GDF1: variants seen among roughly 807,000 people sequenced by gnomAD.
The protein encoded by GDF1 is growth differentiation factor 1.
A neutral mutation model predicts 7.4 loss-of-function variants in GDF1; 8 were observed. The observed-to-expected ratio is 1.09, with a 90% CI of 0.64 to 1.96. The LOEUF (loss-of-function observed/expected upper bound fraction) is 1.96, where lower values mean the gene tolerates loss of function less well. Among genes scored for constraint, GDF1 ranks in the 30% most tolerant of loss-of-function variants. GDF1 has a pLI of 0.00. For synonymous variants in GDF1, 311 were observed against 276.7 expected, an observed-to-expected ratio of 1.12 and a Z score of -1.23; for missense variants, 574 against 551.5, an observed-to-expected ratio of 1.04 and a Z score of -0.41.
rs1202717434 is a variant in GDF1, at chr19:18,870,479, G to A, written c.-172C>T. The A allele has an allele frequency of 3.2e-5, 21 of 659,322 alleles. No homozygotes were observed. Among genetic ancestry groups the A allele is most frequent in the Non-Finnish European group, 4.4e-5 (17 of 382,650 alleles). The allele number at this position is 659,322 out of a possible 1,614,324, so 40.8% of individuals were successfully genotyped here. On this transcript the variant is annotated 5_prime_UTR_variant, in exon 7 of 8. Transcript: ENST00000247005. This position sits in a 1 kb window ranked among gnomAD's most constrained non-coding sequence, Gnocchi z 5.1. ...CAGGGGAGGTGGCGGCGGCCCTAGAGGAGCAGAGTTGGAGGGGGTGGAGGG... is the reference window on the plus strand; with the variant it reads ...CAGGGGAGGTGGCGGCGGCCCTAGAAGAGCAGAGTTGGAGGGGGTGGAGGG...
At chr19:18,875,310 C>T (rs2056041756) in intron 6 of GDF1, among the ~76,000 whole-genome samples, 1 of 151,390 alleles carries the variant, frequency 6.6e-6, no homozygotes, top group African/African-American at 2.4e-5. Flanking sequence ...ATTTGGGAGG[C>T]TGAGGCAGGA....
intron 6 of GDF1, among the ~76,000 whole-genome samples, chr19:18,876,536 T>TTTTG (rs2056064132): frequency 7.0e-6 from 1 of 143,184 alleles, no homozygotes; most frequent in Non-Finnish European, 1.5e-5. Flanking sequence ...TTTGATTGGG[T>TTTTG]TGTGTGTGTG....
chr19:18,892,464 A>G (rs1429507444), intron 2 of GDF1, among the ~76,000 whole-genome samples: 1 of 151,902 alleles, frequency 6.6e-6, no homozygotes, highest in Non-Finnish European at 1.5e-5. Context: ...AATACAAAAA[A>G]TTAGCCGGGC....
chr19:18,889,808 T>G (rs993031283), intron 2 of GDF1, among the ~76,000 whole-genome samples: 1 of 151,968 alleles, frequency 6.6e-6, no homozygotes. Context: ...CATCCCTGAA[T>G]CCAGAATCTT....
Position 18,870,421 on chromosome 19 carries a change from G to T in GDF1, c.-114C>A, listed in dbSNP as rs1226370894. 3 of 1,152,032 alleles carry T rather than the reference G, an allele frequency of 2.6e-6. No homozygotes were observed. Among genetic ancestry groups the T allele is most frequent in the African/African-American group, 1.6e-5 (1 of 63,676 alleles). 71.4% of individuals were successfully genotyped at this position (1,152,032 alleles called of 1,614,324 possible). On this transcript the variant is annotated 5_prime_UTR_variant, in exon 7 of 8. Coordinates refer to ENST00000247005, the MANE Select transcript of GDF1 (RefSeq NM_001492.6). This position sits in a 1 kb window ranked among gnomAD's most constrained non-coding sequence, Gnocchi z 5.1. ...GGCAGGGGTCCTGGGGGGCGTGGCC[G>T]GGAACTGGAGGCAGGATGAGGGGGC...
At chr19:18,869,793 CCT>C (rs983675795) in intron 7 of GDF1, among the ~76,000 whole-genome samples, 188 bp downstream of exon 7, 1 of 152,110 alleles carries the variant, frequency 6.6e-6, no homozygotes, top group African/African-American at 2.4e-5. Context: ...TTGGGAACCC[CCT>C]GACATGTGTC....
chr19:18,892,908 C>A (rs985928345), intron 2 of GDF1, among the ~76,000 whole-genome samples: 1 of 151,914 alleles, frequency 6.6e-6, no homozygotes, highest in African/African-American at 2.4e-5. Context: ...CATCCCCTTA[C>A]ACTGTTCTTT....
At position 18,868,782 on chromosome 19, in the gene GDF1, G is replaced by GC. The variant is rs1213194580; in HGVS notation, c.933dup (p.Pro312AlafsTer40). The GC allele has an allele frequency of 1.6e-5, 24 of 1,464,338 alleles. No individual in the cohort carries two copies. The highest frequency in any genetic ancestry group is 2.1e-4 in the Middle Eastern group (1 of 4,870). 90.7% of individuals were successfully genotyped at this position (1,464,338 alleles called of 1,614,324 possible). A position where few individuals can be genotyped will look rare whatever the true frequency, so the allele number is the denominator to read the frequency against. The stretch of plus-strand genomic sequence containing the variant: ...AGCACAGCGTGGTTGAGCGCCGGCG[G>GC]CCCCCCGGACCCCGACAGCGCGACG... On this transcript the variant is annotated frameshift_variant, in exon 8 of 8. Coordinates refer to ENST00000247005, the MANE Select transcript of GDF1 (RefSeq NM_001492.6). LOFTEE classifies it low-confidence loss of function (END_TRUNC).
chr19:18,870,118 G>A lies in GDF1; in HGVS notation c.190C>T (p.Arg64Cys), dbSNP rs375610429. ...TGGGGGTCCCGGCGTCGAAACAGGC[G>A]CCACATGACCGGGGGAACCGGCCGG... ...RLRPVPPVMW[R>C]LFRRRDPQET... The change falls in exon 7 of 8, where the codon CGC (arginine) becomes TGC (cysteine). Residue 64 changes from arginine to cysteine, a missense_variant. Arg to Cys is a radical substitution (Grantham distance 180). Coordinates refer to ENST00000247005, the MANE Select transcript of GDF1 (RefSeq NM_001492.6). This position sits in a 1 kb window ranked among gnomAD's most constrained non-coding sequence, Gnocchi z 5.1. 1.5e-5 allele frequency: 23 copies of A among 1,566,898 alleles called. No individual in the cohort carries two copies. Among genetic ancestry groups the A allele is most frequent in the Admixed American group, 1.8e-5 (1 of 54,956 alleles).
chr19:18,875,725 A>C (rs1411144754), intron 6 of GDF1, among the ~76,000 whole-genome samples: 1 of 152,172 alleles, frequency 6.6e-6, no homozygotes, highest in African/African-American at 2.4e-5. Context: ...TTAGACAACA[A>C]GACCAGTGAC....
chr19:18,886,783 G>A (rs902681531), intron 2 of GDF1, among the ~76,000 whole-genome samples: 4 of 152,068 alleles, frequency 2.6e-5, no homozygotes, highest in Admixed American at 6.6e-5. Flanking sequence ...CCGCCTCTGC[G>A]ACAACTTTCA....
In GDF1 at chr19:18,869,242, G is replaced by A. The variant is rs772483004; in HGVS notation, c.474C>T (p.Ala158=). The A allele has an allele frequency of 2.1e-6, 3 of 1,420,244 alleles. No homozygotes were observed. Among genetic ancestry groups the A allele is most frequent in the South Asian group, 1.5e-5 (1 of 68,554 alleles). 88.0% of individuals were successfully genotyped at this position (1,420,244 alleles called of 1,614,324 possible). ...CGCTCAGCTCCCAGCCGCCCTCCGGGGCTGCCGCCGCCGCCGCCGCGAAAC... is the reference window on the plus strand; with the variant it reads ...CGCTCAGCTCCCAGCCGCCCTCCGGAGCTGCCGCCGCCGCCGCCGCGAAAC... The part of the protein sequence containing the change: ...ELRFAAAAAA[A]PEGGWELSVA... Residue 158 remains alanine (A), a synonymous_variant, in exon 8 of 8, where the codon GCC becomes GCT. Transcript: ENST00000247005.
At chr19:18,892,772 C>T (rs2056523824) in intron 2 of GDF1, among the ~76,000 whole-genome samples, 1 of 152,116 alleles carries the variant, frequency 6.6e-6, no homozygotes. Context: ...ACACAGGGGT[C>T]CTTCCAGGAT....
At chr19:18,871,154 C>A (rs1354129387) in intron 6 of GDF1, among the ~76,000 whole-genome samples, 1 of 151,632 alleles carries the variant, frequency 6.6e-6, no homozygotes, top group African/African-American at 2.4e-5. Context: ...ACCTCCAAGG[C>A]TCAATGGATC....
At chr19:18,871,515 C>G (rs1387809710) in intron 6 of GDF1, among the ~76,000 whole-genome samples, 1 of 152,166 alleles carries the variant, frequency 6.6e-6, no homozygotes, top group Non-Finnish European at 1.5e-5. Context: ...AGCCACCGTG[C>G]CTGGCCCCAG....
intron 6 of GDF1, among the ~76,000 whole-genome samples, chr19:18,874,195 C>T (rs1487828940): frequency 1.3e-5 from 2 of 152,142 alleles, no homozygotes; most frequent in Non-Finnish European, 2.9e-5. Flanking sequence ...ACATGTTGGC[C>T]AGATTATCAG....
Position 18,869,142 on chromosome 19 carries a change from GCC to G in GDF1, c.572_573del (p.Gly191AlafsTer160). The G allele has an allele frequency of 9.0e-7, 1 of 1,112,436 alleles. No homozygotes were observed. The highest frequency in any genetic ancestry group is 1.1e-6 in the Non-Finnish European group (1 of 910,854). The allele number at this position is 1,112,436 out of a possible 1,614,324, so 68.9% of individuals were successfully genotyped here. A position where few individuals can be genotyped will look rare whatever the true frequency, so the allele number is the denominator to read the frequency against. ...CCCAGCAGCTCCGCGCGCACTGGCG[GCC>G]CCAGGGCGGGCACCAACTGGCGGAG... ...VLLRQLVPALGPPVRAELLGA... is the reference protein window; with the variant it reads ...VLLRQLVPALXPPVRAELLGA... On this transcript the variant is annotated frameshift_variant, in exon 8 of 8. Coordinates refer to ENST00000247005, the MANE Select transcript of GDF1 (RefSeq NM_001492.6). LOFTEE classifies it low-confidence loss of function (END_TRUNC).
At chr19:18,888,051 A>G (rs2056402852) in intron 2 of GDF1, among the ~76,000 whole-genome samples, 2 of 152,140 alleles carry the variant, frequency 1.3e-5, no homozygotes, top group South Asian at 4.1e-4. Flanking sequence ...TTCAAGCTAC[A>G]TACATTTTAC....
At position 18,868,547 on chromosome 19, in the gene GDF1, GCAGA is replaced by G; in HGVS notation, c.*46_*49del. On this transcript the variant is annotated 3_prime_UTR_variant, in exon 8 of 8. Coordinates refer to ENST00000247005, the MANE Select transcript of GDF1 (RefSeq NM_001492.6). ...CAAGGAGTCCAAGGAGACCAGCGGA[GCAGA>G]CCACGCGGCATTTATTGTTGGGCCC... 7.0e-7 allele frequency: 1 copy of G among 1,419,890 alleles called. No homozygotes were observed. Among genetic ancestry groups the G allele is most frequent in the East Asian group, 2.5e-5 (1 of 39,538 alleles). 88.0% of individuals were successfully genotyped at this position (1,419,890 alleles called of 1,614,324 possible). A position where few individuals can be genotyped will look rare whatever the true frequency, so the allele number is the denominator to read the frequency against.
Sources: gnomAD v4.1 joint callset for allele counts (sites outside exome capture counted in the v4.1 genomes callset) on GRCh38, gnomAD v4.1.1 for gene constraint, Gnocchi (gnomAD v3.1) non-coding constraint, MANE v1.5 for transcripts, NCBI Gene and HGNC (gene_info 2026-07-23, HGNC 2026-07-21) for gene names.